The following CCDC171 variants were observed in gnomAD, a reference collection of about 807,000 sequenced individuals.
CCDC171 encodes the protein coiled-coil domain-containing protein 171.
In CCDC171, 177 loss-of-function variants were observed where a neutral mutation model predicts 168.2. That is an observed-to-expected ratio of 1.05 (90% CI 0.93 to 1.19). The LOEUF is 1.19. Ranked by LOEUF, CCDC171 falls within the 50% of genes most tolerant of loss-of-function variation. The pLI, the probability that CCDC171 is intolerant of heterozygous loss-of-function variation, is 0.00. For synonymous variants in CCDC171, 687 were observed against 540.8 expected, an observed-to-expected ratio of 1.27 and a Z score of -3.75; for missense variants, 1,991 against 1,539.0, an observed-to-expected ratio of 1.29 and a Z score of -4.91.
At chr9:16,056,520 T>C (rs1436153979) in intron 1 of CCDC171, among the ~76,000 whole-genome samples, 1 of 152,112 alleles carries the variant, frequency 6.6e-6, no homozygotes, top group Non-Finnish European at 1.5e-5. Flanking sequence ...TGGAGTCTCG[T>C]TCTGTGGCCC....
At chr9:15,989,592 G>A (rs1230974182) in intron 3 of CCDC171, among the ~76,000 whole-genome samples, 2 of 152,170 alleles carry the variant, frequency 1.3e-5, no homozygotes, top group African/African-American at 4.8e-5. Context: ...ACTTTGACGA[G>A]TTGAGAGAAG....
chr9:15,691,278 C>A (rs1165971907), intron 10 of CCDC171, among the ~76,000 whole-genome samples: 1 of 151,650 alleles, frequency 6.6e-6, no homozygotes, highest in Non-Finnish European at 1.5e-5. Context: ...AAAAAAGTTT[C>A]TGACGTGGAG....
intron 25 of CCDC171, among the ~76,000 whole-genome samples, chr9:15,962,679 T>C (rs568503553): frequency 6.6e-6 from 1 of 152,246 alleles, no homozygotes; most frequent in Non-Finnish European, 1.5e-5. Flanking sequence ...AGTTGATAAC[T>C]TTCTCTCATG....
chr9:15,678,951 G>T, intron 10 of CCDC171, 55 bp downstream of exon 10: 1 of 1,298,058 alleles, frequency 7.7e-7, no homozygotes, highest in East Asian at 2.5e-5. Flanking sequence ...CATATTGGAT[G>T]TATAGCAGGG....
At chr9:16,004,847 G>C (rs575948664) in intron 3 of CCDC171, among the ~76,000 whole-genome samples, 5 of 152,006 alleles carry the variant, frequency 3.3e-5, no homozygotes, top group Non-Finnish European at 7.4e-5. Context: ...GGAAGTGGTA[G>C]ATCTCATTTC....
At chr9:15,957,045 G>A (rs898816527) in intron 25 of CCDC171, among the ~76,000 whole-genome samples, 1 of 103,260 alleles carries the variant, frequency 9.7e-6, no homozygotes, top group African/African-American at 3.9e-5. Flanking sequence ...TTTTTTTTTT[G>A]AGGAGCTTAA....
chr9:15,928,502 C>T (rs944444235), intron 25 of CCDC171, among the ~76,000 whole-genome samples: 2 of 151,660 alleles, frequency 1.3e-5, no homozygotes, highest in African/African-American at 4.8e-5. Flanking sequence ...GTTTGAGAAA[C>T]TCTCACTGTG....
intron 3 of CCDC171, among the ~76,000 whole-genome samples, chr9:15,574,565 C>T (rs1467728442): frequency 6.6e-6 from 1 of 151,770 alleles, no homozygotes; most frequent in African/African-American, 2.4e-5. Context: ...AGGTGTAAGC[C>T]ATTGAGCCAC....
chr9:15,769,670 A>T (rs1206902404), intron 18 of CCDC171, among the ~76,000 whole-genome samples: 3 of 152,216 alleles, frequency 2.0e-5, no homozygotes, highest in African/African-American at 7.2e-5. Flanking sequence ...TTACATGGCA[A>T]GTCATCATAG....
At chr9:16,106,002 G>A in the CCDC171 span, among the ~76,000 whole-genome samples, 1 of 152,142 alleles carries the variant, frequency 6.6e-6, no homozygotes, top group Admixed American at 6.5e-5. Flanking sequence ...ACACCCCATC[G>A]CAGCCACCCT....
intron 18 of CCDC171, among the ~76,000 whole-genome samples, chr9:15,749,169 A>G (rs2055530353): frequency 6.6e-6 from 1 of 151,668 alleles, no homozygotes; most frequent in Middle Eastern, 3.4e-3. Flanking sequence ...AGGTGTTGCT[A>G]TTCTAGTCTC....
downstream of CCDC171, among the ~76,000 whole-genome samples, chr9:15,977,635 G>A (rs943360305): frequency 2.0e-5 from 3 of 152,144 alleles, no homozygotes; most frequent in East Asian, 1.9e-4. Flanking sequence ...GTCTTTTATT[G>A]CATGTTAATG....
chr9:15,646,432 C>A (rs543674796), intron 7 of CCDC171, among the ~76,000 whole-genome samples: 1 of 152,156 alleles, frequency 6.6e-6, no homozygotes, highest in Non-Finnish European at 1.5e-5. Flanking sequence ...GGGCTAAATG[C>A]TCCAATTAAA....
At chr9:15,597,586 G>A (rs889085302) in intron 6 of CCDC171, among the ~76,000 whole-genome samples, 2 of 152,102 alleles carry the variant, frequency 1.3e-5, no homozygotes, top group Non-Finnish European at 2.9e-5. Context: ...TGTTCATCAG[G>A]GATATTGGTC....
rs567972545 is a variant in CCDC171 at position 16,010,364 on chromosome 9, A to G, written n.369-10225A>G. On this transcript the variant is annotated intron_variant and non_coding_transcript_variant, in intron 3 of 9. Coordinates refer to the CCDC171 transcript ENST00000486641. ...ACCCAGATTGCTTGCAAGATACTCC[A>G]GGCTAGCCAGGATTTTGCAGGGATA... Among the ~76,000 whole-genome samples, 96 of 152,280 alleles carry G rather than the reference A, an allele frequency of 6.3e-4. No individual in the cohort carries two copies. The South Asian group carries it at 0.019, about 30-fold the overall frequency.
intron 3 of CCDC171, 104 bp downstream of exon 3, chr9:15,571,863 C>T (rs1361160403): frequency 2.0e-6 from 2 of 1,021,334 alleles, no homozygotes; most frequent in Admixed American, 3.2e-5. Context: ...CTATACCATT[C>T]TTGGGCTTAA....
chr9:15,759,105 C>A (rs2056303573), intron 18 of CCDC171, among the ~76,000 whole-genome samples: 1 of 152,046 alleles, frequency 6.6e-6, no homozygotes, highest in Non-Finnish European at 1.5e-5. Context: ...TATTTCGTCT[C>A]CCTCCCTCCC....
intron 1 of CCDC171, among the ~76,000 whole-genome samples, chr9:15,553,803 TA>T (rs2038542120): frequency 6.6e-6 from 1 of 152,294 alleles, no homozygotes; most frequent in East Asian, 1.9e-4. Context: ...CCCGAAGCTG[TA>T]AATTTTCTGC....
At chr9:15,847,507 G>C (rs988007407) in intron 22 of CCDC171, among the ~76,000 whole-genome samples, 1 of 151,790 alleles carries the variant, frequency 6.6e-6, no homozygotes, top group African/African-American at 2.4e-5. Flanking sequence ...AGTTCTCTTG[G>C]GCATTTTTAT....
Sources: gnomAD v4.1 joint callset for allele counts (sites outside exome capture counted in the v4.1 genomes callset) on GRCh38, gnomAD v4.1.1 for gene constraint, MANE v1.5 for transcripts, NCBI Gene and HGNC (gene_info 2026-07-23, HGNC 2026-07-21) for gene names.